GABRB2: variants seen among roughly 807,000 people sequenced by gnomAD.
GABRB2 encodes the protein gamma-aminobutyric acid receptor subunit beta-2.
In GABRB2, 16 loss-of-function variants were observed where a neutral mutation model predicts 54.7. That is an observed-to-expected ratio of 0.29 (90% CI 0.20 to 0.44). The LOEUF (loss-of-function observed/expected upper bound fraction) is 0.44, where lower values mean the gene tolerates loss of function less well. Among genes scored for constraint, GABRB2 ranks in the 20% least tolerant of loss-of-function variants. The pLI is 1.00. For missense variants in GABRB2, 355 were observed against 644.0 expected, an observed-to-expected ratio of 0.55 and a Z score of 4.86; for synonymous variants, 244 against 233.8, an observed-to-expected ratio of 1.04 and a Z score of -0.40.
chr5:161,510,002 T>C (rs1759717127), intron 3 of GABRB2, among the ~76,000 whole-genome samples: 1 of 151,952 alleles, frequency 6.6e-6, no homozygotes, highest in South Asian at 2.1e-4. Flanking sequence ...TTTTGTGGTA[T>C]ACATAGTAGG....
intron 5 of GABRB2, among the ~76,000 whole-genome samples, chr5:161,349,599 A>T (rs979302555): frequency 1.3e-5 from 2 of 152,110 alleles, no homozygotes; most frequent in African/African-American, 4.8e-5. Flanking sequence ...TTATAAAAAG[A>T]CTGAAGGTTC....
chr5:161,294,628 T>C (rs943282367), intron 9 of GABRB2, among the ~76,000 whole-genome samples, 200 bp from the exon 10 acceptor site: 1 of 152,204 alleles, frequency 6.6e-6, no homozygotes, highest in African/African-American at 2.4e-5. Context: ...TATTAAATGA[T>C]ATAATAATCC....
intron 8 of GABRB2, among the ~76,000 whole-genome samples, chr5:161,327,958 T>G (rs1310523249): frequency 6.6e-6 from 1 of 152,134 alleles, no homozygotes; most frequent in Non-Finnish European, 1.5e-5. Flanking sequence ...CACCGCATAA[T>G]CAGGAGCAAT....
At chr5:161,363,932 A>G (rs1754898178) in intron 5 of GABRB2, among the ~76,000 whole-genome samples, 1 of 152,216 alleles carries the variant, frequency 6.6e-6, no homozygotes, top group Admixed American at 6.5e-5. Flanking sequence ...TGTTTTGTTT[A>G]TAATTTTAAC....
At chr5:161,425,061 A>T (rs1756959886) in intron 4 of GABRB2, among the ~76,000 whole-genome samples, 1 of 152,166 alleles carries the variant, frequency 6.6e-6, no homozygotes, top group African/African-American at 2.4e-5. Flanking sequence ...CCTCATGATG[A>T]AACTTTAAGG....
In GABRB2 at chr5:161,294,334, C is replaced by T. The variant is rs1580954153; in HGVS notation, c.1286G>A (p.Ser429Asn). Residue 429 changes from serine (S) to asparagine (N), a missense_variant, in exon 10 of 10, where the codon AGC becomes AAC. Around this residue, in one of 6 missense-constraint regions of GABRB2, gnomAD observed 201 missense variants for 228.1 expected, o/e 0.88. Coordinates refer to ENST00000393959, the MANE Select transcript of GABRB2 (RefSeq NM_001371727.1). ...GGAGGCATCATAGGCTAGCATTGTG[C>T]TTCTGGGGTCTCCAAGTCCCATCAC... The part of the protein sequence containing the change: ...EAVMGLGDPR[S>N]TMLAYDASSI... 6.2e-7 allele frequency: 1 copy of T among 1,614,116 alleles called. No homozygotes were observed.
At chr5:161,311,840 A>C (rs2113365834) in intron 9 of GABRB2, among the ~76,000 whole-genome samples, 1 of 152,350 alleles carries the variant, frequency 6.6e-6, no homozygotes, top group South Asian at 2.1e-4. Flanking sequence ...TTAAAGATGA[A>C]GAAGCACGGG....
rs1554102427 is a variant in GABRB2, at chr5:161,463,551, TTATTTATATATA to T, written c.238-3719_238-3708del. Among the ~76,000 whole-genome samples the T allele has an allele frequency of 2.5e-3, 77 of 30,264 alleles. 2 individuals carry two copies. The highest frequency in any genetic ancestry group is 3.4e-3 in the African/African-American group (32 of 9,356). 19.9% of individuals were successfully genotyped at this position (30,264 alleles called of 152,430 possible). ...GTTGACAAGGTGATTCCAAATATTT[TTATTTATATATA>T]TATATATATATATATATATATATAT... On this transcript the variant is annotated intron_variant, in intron 3 of 9. Coordinates refer to ENST00000393959, the MANE Select transcript of GABRB2 (RefSeq NM_001371727.1).
chr5:161,306,632 C>T (rs1029434406), intron 9 of GABRB2, among the ~76,000 whole-genome samples: 1 of 152,082 alleles, frequency 6.6e-6, no homozygotes, highest in Non-Finnish European at 1.5e-5. Context: ...ACATTTGGTT[C>T]TTGAATAGCA....
At chr5:161,488,984 T>C (rs1759017895) in intron 3 of GABRB2, among the ~76,000 whole-genome samples, 1 of 151,750 alleles carries the variant, frequency 6.6e-6, no homozygotes, top group Non-Finnish European at 1.5e-5. Flanking sequence ...GAGATAAACA[T>C]GTTATTAGAG....
chr5:161,381,110 A>T (rs1755452609), intron 5 of GABRB2, among the ~76,000 whole-genome samples: 1 of 152,172 alleles, frequency 6.6e-6, no homozygotes, highest in Non-Finnish European at 1.5e-5. Context: ...TAGAGAAAAC[A>T]TGAGCTTTGG....
intron 5 of GABRB2, among the ~76,000 whole-genome samples, chr5:161,370,134 T>C (rs1385005553): frequency 2.0e-5 from 3 of 152,184 alleles, no homozygotes; most frequent in Admixed American, 6.5e-5. Context: ...AGTTCAGTGT[T>C]GCATGGCATT....
At chr5:161,415,166 T>A (rs1329238504) in intron 4 of GABRB2, among the ~76,000 whole-genome samples, 1 of 152,206 alleles carries the variant, frequency 6.6e-6, no homozygotes, top group Non-Finnish European at 1.5e-5. Flanking sequence ...GATTAATTTT[T>A]AAGACCATTG....
chr5:161,334,150 C>T lies in GABRB2; in HGVS notation c.832+602G>A, dbSNP rs978161193. Among the ~76,000 whole-genome samples the T allele has an allele frequency of 1.8e-4, 27 of 152,054 alleles. No individual in the cohort carries two copies. The East Asian group carries it at 1.9e-3, about 11-fold the overall frequency. On this transcript the variant is annotated intron_variant, in intron 7 of 9. Transcript: ENST00000393959. ...AGTCAGAATCCATAATAATCAAGAT[C>T]GTGTAAAAGGCCATAAATTTACTTT...
intron 5 of GABRB2, among the ~76,000 whole-genome samples, chr5:161,349,313 T>C (rs960616731): frequency 3.3e-5 from 5 of 152,006 alleles, no homozygotes; most frequent in Non-Finnish European, 4.4e-5. Context: ...TATTAAGATA[T>C]TGAAAATTAA....
rs75212100 is a variant in GABRB2, at chr5:161,323,250, C to T, written c.1191+3118G>A. Among the ~76,000 whole-genome samples the T allele has an allele frequency of 1.4e-3, 219 of 152,068 alleles. 6 individuals carry two copies. The East Asian group carries it at 0.04, about 28-fold the overall frequency. On this transcript the variant is annotated intron_variant, in intron 9 of 9. Coordinates refer to ENST00000393959, the MANE Select transcript of GABRB2 (RefSeq NM_001371727.1). The stretch of plus-strand genomic sequence containing the variant: ...GTTGGCCAGACTGGTCTAGAACTCC[C>T]GACCTCAAGTGATCCGCCCATCTCA...
chr5:161,536,636 G>A (rs985475462), intron 3 of GABRB2, among the ~76,000 whole-genome samples: 3 of 151,912 alleles, frequency 2.0e-5, no homozygotes, highest in Admixed American at 6.6e-5. Context: ...TCACTCTGTC[G>A]CCCAGGCTGG....
intron 3 of GABRB2, among the ~76,000 whole-genome samples, chr5:161,493,014 C>G (rs574918083): frequency 1.3e-5 from 2 of 151,730 alleles, no homozygotes; most frequent in African/African-American, 4.8e-5. Flanking sequence ...TGCACTAATG[C>G]CAGCATTTCT....
At chr5:161,544,417 ATCGCATTGCATGTCTGCAGTGT>A in intron 3 of GABRB2, among the ~76,000 whole-genome samples, 1 of 152,280 alleles carries the variant, frequency 6.6e-6, no homozygotes, top group South Asian at 2.1e-4. Flanking sequence ...GACGCTTGTC[ATCGCATTGCATGTCTGCAGTGT>A]TCCAATATGG....
Sources: gnomAD v4.1 joint callset for allele counts (sites outside exome capture counted in the v4.1 genomes callset) on GRCh38, gnomAD v4.1.1 for gene constraint, gnomAD v4.1.1 regional missense constraint, MANE v1.5 for transcripts, NCBI Gene and HGNC (gene_info 2026-07-23, HGNC 2026-07-21) for gene names.